FANCM: variants seen among roughly 807,000 people sequenced by gnomAD.
FANCM encodes the protein FA complementation group M, also known as Fanconi anemia group M protein.
FANCM carries 140 observed loss-of-function variants against 199.5 expected under a neutral mutation model. The observed-to-expected ratio is 0.70, with a 90% CI of 0.61 to 0.81. The LOEUF (loss-of-function observed/expected upper bound fraction) is 0.81. Ranked by LOEUF, FANCM falls within the 30% of genes least tolerant of loss-of-function variation. The pLI, the probability that FANCM is intolerant of heterozygous loss-of-function variation, is 0.00. For missense variants in FANCM, 2,410 were observed against 2,421.4 expected, an observed-to-expected ratio of 1.00 and a Z score of 0.10; for synonymous variants, 840 against 836.8, an observed-to-expected ratio of 1.00 and a Z score of -0.07.
chr14:45,148,952 C>G lies in FANCM; in HGVS notation c.875C>G (p.Pro292Arg). ...AGAAAAGTTGAAAAGCTTATTGTTC[C>G]GCTTGGTGAAGAACTTGCAGCCATC... ...HERKVEKLIVPLGEELAAIQK... is the reference protein window; with the variant it reads ...HERKVEKLIVRLGEELAAIQK... The change falls in exon 4 of 23, where the codon CCG becomes CGG. Residue 292 changes from proline to arginine, a missense_variant. Coordinates refer to ENST00000267430, the MANE Select transcript of FANCM (RefSeq NM_020937.4). 6.2e-7 allele frequency: 1 copy of G among 1,613,674 alleles called. No homozygotes were observed. The highest frequency in any genetic ancestry group is 1.3e-5 in the African/African-American group (1 of 74,980).
intron 8 of FANCM, among the ~76,000 whole-genome samples, chr14:45,158,427 C>G (rs1017793185): frequency 3.4e-5 from 5 of 146,028 alleles, no homozygotes; most frequent in Non-Finnish European, 6.0e-5. Flanking sequence ...CCGCCACCCC[C>G]CTACCTCACC....
chr14:45,148,550 C>T (rs1201256942), intron 3 of FANCM, among the ~76,000 whole-genome samples: 1 of 151,954 alleles, frequency 6.6e-6, no homozygotes, highest in Non-Finnish European at 1.5e-5. Context: ...TGTAAAGTAC[C>T]AAACTACATT....
At chr14:45,152,617 G>C (rs1886906356) in intron 5 of FANCM, among the ~76,000 whole-genome samples, 1 of 152,218 alleles carries the variant, frequency 6.6e-6, no homozygotes. Context: ...AACTGATAGG[G>C]AATGCCTGTG....
chr14:45,184,802 C>T (rs1341079876), intron 17 of FANCM, among the ~76,000 whole-genome samples: 5 of 144,094 alleles, frequency 3.5e-5, no homozygotes, highest in South Asian at 2.2e-4. Flanking sequence ...GACAGAGTTT[C>T]GCTGTTACTG....
chr14:45,143,915 A>G (rs1264546106), intron 3 of FANCM, among the ~76,000 whole-genome samples: 2 of 151,246 alleles, frequency 1.3e-5, no homozygotes, highest in African/African-American at 4.9e-5. Context: ...GCTGGTCTCG[A>G]ACCCCTGACC....
chr14:45,164,584 A>T lies in FANCM; in HGVS notation c.1788+19A>T. 6.4e-7 allele frequency: 1 copy of T among 1,554,040 alleles called. No homozygotes were observed. The highest frequency in any genetic ancestry group is 8.8e-7 in the Non-Finnish European group (1 of 1,135,102). Reference sequence around the variant, plus strand: ...GGAACGTGTAAGTAGAGCTGCAGAAACACAATTTGACACTTGAAATTTGAG... The same window carrying T: ...GGAACGTGTAAGTAGAGCTGCAGAATCACAATTTGACACTTGAAATTTGAG... On this transcript the variant is annotated intron_variant, in intron 10 of 22. Transcript: ENST00000267430.
rs1890072167 is a variant in FANCM, at chr14:45,196,553, T to C, written c.5716+6T>C. The C allele has an allele frequency of 6.2e-7, 1 of 1,611,684 alleles. No homozygotes were observed. ...AAAGGACAGAGAAAAAACAGGTTTG[T>C]ATTTTTAAATATCTTTGTTTATAAG... On this transcript the variant is annotated splice_donor_region_variant and intron_variant, in intron 21 of 22. Transcript: ENST00000267430.
At chr14:45,186,751 T>C (rs1889426932) in intron 18 of FANCM, among the ~76,000 whole-genome samples, 1 of 152,162 alleles carries the variant, frequency 6.6e-6, no homozygotes, top group Admixed American at 6.5e-5. Flanking sequence ...CCCGAGTCAG[T>C]AGTGTGCCTG....
intron 3 of FANCM, among the ~76,000 whole-genome samples, chr14:45,147,875 C>T (rs773833888): frequency 2.1e-5 from 3 of 142,592 alleles, no homozygotes; most frequent in Admixed American, 1.5e-4. Flanking sequence ...GCAGCCTGGG[C>T]GACAGAGGGA....
chr14:45,136,945 A>G, intron 1 of FANCM, 124 bp from the exon 2 acceptor site: 1 of 786,608 alleles, frequency 1.3e-6, no homozygotes, highest in Non-Finnish European at 2.1e-6. Context: ...ATTCCGATGA[A>G]TTGTCAAATT....
intron 19 of FANCM, 97 bp from the exon 20 acceptor site, chr14:45,188,705 C>A: frequency 2.2e-6 from 2 of 898,450 alleles, no homozygotes; most frequent in South Asian, 1.5e-5. Flanking sequence ...GTAAATTAAA[C>A]AAATATTAAT....
intron 14 of FANCM, among the ~76,000 whole-genome samples, chr14:45,180,434 T>G (rs1196863213): frequency 2.7e-5 from 4 of 149,870 alleles, no homozygotes; most frequent in Non-Finnish European, 4.5e-5. Context: ...TATGTGGTGT[T>G]TTTTTTTTTG....
chr14:45,165,849 C>T (rs189235117), intron 10 of FANCM, among the ~76,000 whole-genome samples: 1 of 152,156 alleles, frequency 6.6e-6, no homozygotes, highest in Non-Finnish European at 1.5e-5. Context: ...CATTGTGCTG[C>T]GTAATGTTCC....
chr14:45,184,225 T>C (rs1250448993), intron 17 of FANCM, among the ~76,000 whole-genome samples: 2 of 152,172 alleles, frequency 1.3e-5, no homozygotes, highest in African/African-American at 2.4e-5. Context: ...TTATGATCAT[T>C]ATATTGTTTT....
chr14:45,159,563 C>A (rs1479353296), intron 9 of FANCM, among the ~76,000 whole-genome samples: 2 of 151,822 alleles, frequency 1.3e-5, no homozygotes, highest in Admixed American at 1.3e-4. Flanking sequence ...TTAAAAGTTT[C>A]TTTACTTCCT....
intron 9 of FANCM, among the ~76,000 whole-genome samples, chr14:45,162,713 G>T (rs1468503126): frequency 6.6e-6 from 1 of 152,082 alleles, no homozygotes; most frequent in Non-Finnish European, 1.5e-5. Context: ...TTGTGGAAAG[G>T]GTTCATGGAA....
chr14:45,155,929 G>A (rs917915182), intron 8 of FANCM, among the ~76,000 whole-genome samples: 2 of 152,178 alleles, frequency 1.3e-5, no homozygotes, highest in Admixed American at 6.5e-5. Context: ...GAGAAATTTT[G>A]GAAGGGCTAG....
At chr14:45,153,896 A>G in intron 5 of FANCM, 24 bp from the exon 6 acceptor site, 1 of 1,602,868 alleles carries the variant, frequency 6.2e-7, no homozygotes, top group Middle Eastern at 1.7e-4. Flanking sequence ...CTCTGGTTAA[A>G]TTTGACATAT....
In FANCM at chr14:45,185,319, T is replaced by C; in HGVS notation, c.4618T>C (p.Ser1540Pro). ...ENDESENEQD[S>P]SLLDFLNDET... ...TGATGAGTCAGAAAATGAACAAGAT[T>C]CCTCATTACTTGACTTTTTAAATGA... Residue 1540 changes from serine to proline, a missense_variant, in exon 18 of 23, where the codon TCC (serine) becomes CCC (proline). Transcript: ENST00000267430. 1 of 1,595,430 alleles carries C rather than the reference T, an allele frequency of 6.3e-7. No individual in the cohort carries two copies. Among genetic ancestry groups the C allele is most frequent in the Non-Finnish European group, 8.6e-7 (1 of 1,165,812 alleles).
Sources: allele counts gnomAD v4.1 joint callset (sites outside exome capture counted in the v4.1 genomes callset), GRCh38; gene constraint gnomAD v4.1.1; transcripts MANE v1.5; gene names NCBI Gene and HGNC (gene_info 2026-07-23, HGNC 2026-07-21).